The following IFT46 variants were observed in gnomAD, a reference collection of about 807,000 sequenced individuals.
The protein encoded by IFT46 is intraflagellar transport protein 46 homolog.
A neutral mutation model predicts 39.6 loss-of-function variants in IFT46; 19 were observed. The ratio of observed to expected loss-of-function variants is 0.48; its 90% CI spans 0.33 to 0.70. The LOEUF is 0.70. IFT46 is among the 30% of genes least tolerant of loss of function. IFT46 has a pLI of 0.01. For synonymous variants in IFT46, 117 were observed against 134.8 expected (o/e 0.87, Z 0.91); for missense variants, 334 against 364.8 (o/e 0.92, Z 0.69).
chr11:118,576,410 T>C (rs115220751), upstream of IFT46, among the ~76,000 whole-genome samples: 626 of 141,062 alleles, frequency 4.4e-3, 3 homozygotes, highest in African/African-American at 0.015. Flanking sequence ...ATCTGGAATG[T>C]TTTTTCCAAA....
chr11:118,572,403 GC>G, intron 1 of IFT46: 1 of 585,646 alleles, frequency 1.7e-6, no homozygotes, highest in Non-Finnish European at 2.7e-6. Flanking sequence ...GTGGCTTGGG[GC>G]CGCCATCTTG....
rs1555071208 is a variant in IFT46, at chr11:118,565,004, C to G, written c.-75G>C. 6.6e-6 allele frequency: 1 copy of G among 152,624 alleles called. No homozygotes were observed. Among genetic ancestry groups the G allele is most frequent in the African/African-American group, 2.4e-5 (1 of 41,438 alleles). The allele number at this position is 152,624 out of a possible 1,614,324, so 9.5% of individuals were successfully genotyped here. A position where few individuals can be genotyped will look rare whatever the true frequency, so the allele number is the denominator to read the frequency against. The stretch of plus-strand genomic sequence containing the variant: ...GTTGGAGTATAAATACTTGCAACCT[C>G]TTCGGAGTCGTTAATCTCTAGACGC... On this transcript the variant is annotated 5_prime_UTR_variant, in exon 2 of 12. Coordinates refer to ENST00000264021, the MANE Select transcript of IFT46 (RefSeq NM_001168618.2).
chr11:118,564,260 C>G (rs1938155048), intron 2 of IFT46, among the ~76,000 whole-genome samples: 1 of 148,662 alleles, frequency 6.7e-6, no homozygotes, highest in South Asian at 2.2e-4. Flanking sequence ...AGCAAACAAT[C>G]TGCCTCCATC....
At chr11:118,569,184 C>T (rs1938288219), upstream of IFT46, among the ~76,000 whole-genome samples, 1 of 151,584 alleles carries the variant, frequency 6.6e-6, no homozygotes, top group Non-Finnish European at 1.5e-5. Flanking sequence ...GAGGCTAAGT[C>T]AGGAGAATCC....
chr11:118,570,442 G>A (rs558601518), upstream of IFT46, among the ~76,000 whole-genome samples: 2 of 152,222 alleles, frequency 1.3e-5, no homozygotes, highest in South Asian at 4.1e-4. Context: ...TTGATCCTCA[G>A]TATCTTTATT....
At chr11:118,551,449 G>C (rs1052056931) in intron 9 of IFT46, among the ~76,000 whole-genome samples, 19 of 152,036 alleles carry the variant, frequency 1.2e-4, no homozygotes, top group African/African-American at 4.3e-4. Flanking sequence ...TGAGGAAGGA[G>C]GACTGCTTGA....
chr11:118,568,342 G>C (rs1432050779), upstream of IFT46, among the ~76,000 whole-genome samples: 1 of 152,110 alleles, frequency 6.6e-6, no homozygotes, highest in Non-Finnish European at 1.5e-5. Context: ...CAGAGGTCAA[G>C]AGTTCAAGAC....
chr11:118,566,382 G>A (rs1424439608), upstream of IFT46, among the ~76,000 whole-genome samples: 3 of 152,148 alleles, frequency 2.0e-5, no homozygotes, highest in African/African-American at 7.2e-5. Flanking sequence ...TTATTCCTTG[G>A]GTATCTGAGG....
At chr11:118,559,084 T>C (rs1337186697) in intron 3 of IFT46, among the ~76,000 whole-genome samples, 1 of 151,646 alleles carries the variant, frequency 6.6e-6, no homozygotes, top group Non-Finnish European at 1.5e-5. Flanking sequence ...GACAGTCTGG[T>C]CTCAAACTCC....
upstream of IFT46, among the ~76,000 whole-genome samples, chr11:118,569,804 G>A (rs921121400): frequency 3.3e-5 from 5 of 152,198 alleles, no homozygotes; most frequent in African/African-American, 1.2e-4. Flanking sequence ...CTGGTATGCT[G>A]TAAGTGTTCA....
chr11:118,557,534 G>C, intron 3 of IFT46: 1 of 595,426 alleles, frequency 1.7e-6, no homozygotes, highest in South Asian at 2.1e-5. Flanking sequence ...ACTATCAAAA[G>C]AAGAAAGTTC....
At position 118,545,669 on chromosome 11, in the gene IFT46, C is replaced by T; in HGVS notation, c.733+124G>A. On this transcript the variant is annotated intron_variant, in intron 10 of 11. Coordinates refer to ENST00000264021, the MANE Select transcript of IFT46 (RefSeq NM_001168618.2). Reference sequence around the variant, plus strand: ...ACCACCTTTGAGTGCTGCCAAAGAGCACAACGGGCTTAAAGTGAAGGCTGA... The same window carrying T: ...ACCACCTTTGAGTGCTGCCAAAGAGTACAACGGGCTTAAAGTGAAGGCTGA... 4.2e-6 allele frequency: 5 copies of T among 1,196,372 alleles called. No individual in the cohort carries two copies. The East Asian group carries it at 1.2e-4, about 28-fold the overall frequency. 74.1% of individuals were successfully genotyped at this position (1,196,372 alleles called of 1,614,324 possible). A position where few individuals can be genotyped will look rare whatever the true frequency, so the allele number is the denominator to read the frequency against.
At chr11:118,568,399 A>G (rs946988429), upstream of IFT46, among the ~76,000 whole-genome samples, 6 of 151,938 alleles carry the variant, frequency 3.9e-5, no homozygotes, top group Non-Finnish European at 8.8e-5. Context: ...TAAAAATACA[A>G]AAATTAGCCA....
intron 7 of IFT46, 107 bp from the exon 8 acceptor site, chr11:118,552,442 C>G: frequency 1.5e-6 from 2 of 1,314,004 alleles, no homozygotes; most frequent in South Asian, 1.4e-5. Flanking sequence ...TTGCTGATGA[C>G]AGCTGCTGCC....
rs782285232 is a variant in IFT46 at position 118,555,034 on chromosome 11, G to T, written c.310C>A (p.Pro104Thr). 2.1e-5 allele frequency: 34 copies of T among 1,614,012 alleles called. No homozygotes were observed. In the East Asian group the frequency reaches 7.6e-4, roughly 36 times the overall value. Residue 104 changes from proline (P) to threonine (T), a missense_variant, in exon 6 of 12, where the codon CCT becomes ACT. Physicochemically the swap from Pro to Thr is conservative, Grantham distance 38 (BLOSUM62 -1). Transcript: ENST00000264021. ...DLDHKLKPFIPDFIPAVGDID... is the reference protein window; with the variant it reads ...DLDHKLKPFITDFIPAVGDID... ...TCCCCGACAGCTGGGATAAAATCAG[G>T]AATGAAAGGCTTCAGTTTGTGGTCC...
upstream of IFT46, chr11:118,566,055 G>T (rs1938218655): frequency 6.6e-6 from 1 of 152,204 alleles, no homozygotes; most frequent in African/African-American, 2.4e-5. Flanking sequence ...CTCTCTGGGC[G>T]GCCAAGTCGC....
rs556843159 is a variant in IFT46 at position 118,548,321 on chromosome 11, C to A, written c.673-2468G>T. On this transcript the variant is annotated intron_variant, in intron 9 of 11. Transcript: ENST00000264021. ...TTATGGTGTCTATTGGTATGTAGAA[C>A]CTTTCATTTCTATGAGTTTAAACTG... Among the ~76,000 whole-genome samples the A allele has an allele frequency of 3.3e-5, 5 of 150,042 alleles. No homozygotes were observed. In the East Asian group the frequency reaches 9.7e-4, roughly 29 times the overall value.
At chr11:118,550,757 G>A (rs181279406) in intron 9 of IFT46, among the ~76,000 whole-genome samples, 253 of 152,158 alleles carry the variant, frequency 1.7e-3, no homozygotes, top group Non-Finnish European at 2.8e-3. Context: ...GGCCAGGCGC[G>A]GTGGCTCACG....
chr11:118,548,630 TG>T (rs1379423038), intron 9 of IFT46, among the ~76,000 whole-genome samples: 2 of 151,940 alleles, frequency 1.3e-5, no homozygotes, highest in African/African-American at 4.8e-5. Flanking sequence ...CCCAAAGTGC[TG>T]GGATTACATT....
Sources: allele counts gnomAD v4.1 joint callset (sites outside exome capture counted in the v4.1 genomes callset), GRCh38; gene constraint gnomAD v4.1.1; transcripts MANE v1.5; gene names NCBI Gene and HGNC (gene_info 2026-07-23, HGNC 2026-07-21).